Variants in GRIP1 observed in about 807,000 individuals in gnomAD.
GRIP1 encodes the protein glutamate receptor-interacting protein 1.
Under a neutral mutation model 129.9 loss-of-function variants are expected in GRIP1, and 45 were observed. That is an observed-to-expected ratio of 0.35 (90% CI 0.27 to 0.44). GRIP1 has a LOEUF of 0.44. Among genes scored for constraint, GRIP1 ranks in the 20% least tolerant of loss-of-function variants. The pLI is 1.00. For synonymous variants in GRIP1, 530 were observed against 520.8 expected (o/e 1.02, Z -0.24); for missense variants, 1,196 against 1,396.8 (o/e 0.86, Z 2.29).
chr12:66,891,010 T>C (rs187474567), intron 1 of GRIP1, among the ~76,000 whole-genome samples: 14 of 152,366 alleles, frequency 9.2e-5, no homozygotes, highest in Non-Finnish European at 1.5e-4. Context: ...TATATTTTAA[T>C]GTTATTCTAA....
chr12:66,871,198 G>A (rs943536577), intron 1 of GRIP1, among the ~76,000 whole-genome samples: 2 of 152,078 alleles, frequency 1.3e-5, no homozygotes, highest in African/African-American at 4.8e-5. Flanking sequence ...AATGCAGACT[G>A]TTGAAGGATT....
At chr12:66,581,698 A>C (rs995704556) in intron 2 of GRIP1, among the ~76,000 whole-genome samples, 1 of 152,160 alleles carries the variant, frequency 6.6e-6, no homozygotes, top group Non-Finnish European at 1.5e-5. Flanking sequence ...TCCCAAGACT[A>C]AACCAGGAAG....
At chr12:66,911,907 T>C (rs147907328) in intron 1 of GRIP1, among the ~76,000 whole-genome samples, 55 of 152,314 alleles carry the variant, frequency 3.6e-4, no homozygotes, top group African/African-American at 1.3e-3. Flanking sequence ...GCATCTGAGA[T>C]ATGTTGCCTA....
chr12:66,436,251 G>A (rs2058299596), intron 13 of GRIP1, among the ~76,000 whole-genome samples: 2 of 152,052 alleles, frequency 1.3e-5, no homozygotes. Flanking sequence ...CAACCACACC[G>A]TAATTCATCA....
chr12:66,841,001 T>A (rs763950779), intron 1 of GRIP1, among the ~76,000 whole-genome samples: 39 of 152,338 alleles, frequency 2.6e-4, no homozygotes, highest in Middle Eastern at 3.4e-3. Context: ...AGGAATAATT[T>A]TTTAGTATAA....
intron 2 of GRIP1, among the ~76,000 whole-genome samples, chr12:66,579,948 A>G (rs2063306241): frequency 6.7e-6 from 1 of 148,222 alleles, no homozygotes; most frequent in African/African-American, 2.5e-5. Flanking sequence ...TCCAAGACAC[A>G]TAATTGTCAG....
Position 66,455,442 on chromosome 12 carries a change from T to G in GRIP1, c.1321A>C (p.Arg441=), listed in dbSNP as rs749320677. ...STSPRGTMMR[R]RLKKKDFKSS... is the part of the protein sequence containing the mutation. Reference sequence around the variant, plus strand: ...TTGAAGTCTTTCTTTTTCAGTCTCCTCCTCATCATGGTTCCACGTGGGCTG... The same window carrying G: ...TTGAAGTCTTTCTTTTTCAGTCTCCGCCTCATCATGGTTCCACGTGGGCTG... Residue 441 remains arginine, a synonymous_variant, in exon 11 of 25, where the codon AGG becomes CGG. Transcript: ENST00000359742. The G allele has an allele frequency of 3.1e-6, 5 of 1,614,142 alleles. No homozygotes were observed. Among genetic ancestry groups the G allele is most frequent in the Non-Finnish European group, 4.2e-6 (5 of 1,179,982 alleles).
chr12:66,576,580 T>C (rs1209358763), intron 2 of GRIP1, among the ~76,000 whole-genome samples: 3 of 152,240 alleles, frequency 2.0e-5, no homozygotes, highest in Non-Finnish European at 4.4e-5. Flanking sequence ...AGTCCCGTTG[T>C]TGGGTAGACT....
chr12:66,798,630 C>T (rs771617619), intron 1 of GRIP1, among the ~76,000 whole-genome samples: 2 of 152,120 alleles, frequency 1.3e-5, no homozygotes, highest in African/African-American at 4.8e-5. Flanking sequence ...CGAAGTCCCT[C>T]CTAACTCTAA....
At chr12:66,941,540 G>A (rs1176733806) in intron 1 of GRIP1, among the ~76,000 whole-genome samples, 1 of 152,132 alleles carries the variant, frequency 6.6e-6, no homozygotes. Context: ...ATCCACAAAA[G>A]AGCTGGTCCC....
intron 1 of GRIP1, among the ~76,000 whole-genome samples, chr12:66,947,835 A>C (rs2041696013): frequency 6.6e-6 from 1 of 152,248 alleles, no homozygotes. Context: ...AAAACCACAG[A>C]TAGTGACAGG....
intron 13 of GRIP1, among the ~76,000 whole-genome samples, chr12:66,440,943 A>C (rs750507096): frequency 3.3e-5 from 5 of 152,212 alleles, no homozygotes; most frequent in Non-Finnish European, 5.9e-5. Flanking sequence ...AAGTTCTCAA[A>C]AGAGGAGCCC....
chr12:66,489,668 T>C (rs1182158715), intron 7 of GRIP1, among the ~76,000 whole-genome samples: 1 of 152,134 alleles, frequency 6.6e-6, no homozygotes, highest in Non-Finnish European at 1.5e-5. Context: ...AAGGGAGAAG[T>C]CAAATTATCT....
At chr12:66,542,893 A>T (rs549210401) in intron 2 of GRIP1, among the ~76,000 whole-genome samples, 1 of 152,314 alleles carries the variant, frequency 6.6e-6, no homozygotes, top group East Asian at 1.9e-4. Context: ...GGGGTAATGA[A>T]CTTCTAGAAC....
intron 2 of GRIP1, among the ~76,000 whole-genome samples, chr12:66,578,193 G>A (rs141542529): frequency 1.2e-4 from 18 of 145,586 alleles, no homozygotes; most frequent in African/African-American, 4.5e-4. Flanking sequence ...ACAGAGGGCA[G>A]GAGTTCAATA....
chr12:66,533,850 C>G (rs2061525614), intron 4 of GRIP1, among the ~76,000 whole-genome samples: 1 of 132,920 alleles, frequency 7.5e-6, no homozygotes, highest in Non-Finnish European at 1.6e-5. Flanking sequence ...TACACACACA[C>G]ACACACACAC....
Position 66,610,078 on chromosome 12 carries a change from T to G in GRIP1, c.56-13151A>C, listed in dbSNP as rs114630131. Among the ~76,000 whole-genome samples the G allele has an allele frequency of 3.8e-3, 576 of 152,232 alleles. 3 individuals are homozygous for G. The highest frequency in any genetic ancestry group is 0.013 in the African/African-American group (542 of 41,552). On this transcript the variant is annotated intron_variant, in intron 1 of 24. Coordinates refer to ENST00000359742, the MANE Select transcript of GRIP1 (RefSeq NM_001366722.1). Reference sequence around the variant, plus strand: ...AGGCCTTAACTGAACCCCATTATATTTTGAAACATAATTTTTATGAAATAC... The same window carrying G: ...AGGCCTTAACTGAACCCCATTATATGTTGAAACATAATTTTTATGAAATAC...
At chr12:66,908,100 G>C (rs1410911123) in intron 1 of GRIP1, among the ~76,000 whole-genome samples, 1 of 152,096 alleles carries the variant, frequency 6.6e-6, no homozygotes, top group African/African-American at 2.4e-5. Flanking sequence ...ACTCCATATT[G>C]TTTTTATTTT....
At chr12:67,026,353 T>A (rs911602663) in intron 1 of GRIP1, among the ~76,000 whole-genome samples, 19 of 151,184 alleles carry the variant, frequency 1.3e-4, no homozygotes, top group African/African-American at 4.4e-4. Flanking sequence ...GTTGGGAAAA[T>A]TTTTTCTCAA....
Sources: allele counts gnomAD v4.1 joint callset (sites outside exome capture counted in the v4.1 genomes callset), GRCh38; gene constraint gnomAD v4.1.1; transcripts MANE v1.5; gene names NCBI Gene and HGNC (gene_info 2026-07-23, HGNC 2026-07-21).